The following LIMA1 variants were observed in gnomAD, a reference collection of about 807,000 sequenced individuals.
LIMA1 encodes LIM domain and actin-binding protein 1.
A neutral mutation model predicts 62.6 loss-of-function variants in LIMA1; 52 were observed. That is an observed-to-expected ratio of 0.83 (90% CI 0.67 to 1.05). The LOEUF (loss-of-function observed/expected upper bound fraction) is 1.05. Ranked by LOEUF, LIMA1 falls within the 50% of genes least tolerant of loss-of-function variation. LIMA1 has a pLI of 0.00. For missense variants in LIMA1, 780 were observed against 902.2 expected (o/e 0.86, Z 1.74); for synonymous variants, 302 against 317.8 (o/e 0.95, Z 0.53).
chr12:50,227,188 T>C (rs1941542620), intron 3 of LIMA1, among the ~76,000 whole-genome samples: 1 of 151,816 alleles, frequency 6.6e-6, no homozygotes, highest in Admixed American at 6.6e-5. Context: ...AGAGGCATCT[T>C]AAACTCCTTC....
chr12:50,233,008 T>C (rs192458453), intron 2 of LIMA1, among the ~76,000 whole-genome samples: 5 of 152,278 alleles, frequency 3.3e-5, no homozygotes, highest in Admixed American at 3.3e-4. Context: ...AAAAACAGTC[T>C]GCATACCTAT....
At chr12:50,268,016 A>T (rs1942160543) in intron 1 of LIMA1, among the ~76,000 whole-genome samples, 1 of 151,924 alleles carries the variant, frequency 6.6e-6, no homozygotes, top group African/African-American at 2.4e-5. Context: ...ACTTTTTTTT[A>T]AATTATACAA....
At chr12:50,179,291 G>T (rs1189690640) in intron 10 of LIMA1, among the ~76,000 whole-genome samples, 1 of 152,066 alleles carries the variant, frequency 6.6e-6, no homozygotes, top group South Asian at 2.1e-4. Flanking sequence ...ACAGGTGTGT[G>T]CCACCATGCA....
Position 50,193,991 on chromosome 12 carries a change from A to AT in LIMA1, c.1031-1431dup, listed in dbSNP as rs1196133117. 1.6e-4 allele frequency among the ~76,000 whole-genome samples: 10 copies of AT among 61,670 alleles called. 1 individual carries two copies. The highest frequency in any genetic ancestry group is 8.4e-4 in the African/African-American group (8 of 9,490). 40.5% of individuals were successfully genotyped at this position (61,670 alleles called of 152,430 possible). A position where few individuals can be genotyped will look rare whatever the true frequency, so the allele number is the denominator to read the frequency against. On this transcript the variant is annotated intron_variant, in intron 8 of 10. Transcript: ENST00000341247. ...AACATATATATACATATATATATAT[A>AT]TATATATTTTTTTTGAGATGGATTT...
chr12:50,190,971 T>C (rs1235953608), intron 9 of LIMA1, among the ~76,000 whole-genome samples: 1 of 151,220 alleles, frequency 6.6e-6, no homozygotes, highest in Non-Finnish European at 1.5e-5. Context: ...GTAAAAAATA[T>C]ATTAGCTGGG....
intron 2 of LIMA1, among the ~76,000 whole-genome samples, chr12:50,243,282 AC>A (rs1212020572): frequency 6.6e-6 from 1 of 152,086 alleles, no homozygotes; most frequent in Admixed American, 6.6e-5. Flanking sequence ...CTTCCTCCAA[AC>A]AACAATTTCA....
intron 4 of LIMA1, among the ~76,000 whole-genome samples, chr12:50,221,665 A>G (rs1446122556): frequency 1.3e-5 from 2 of 152,222 alleles, no homozygotes; most frequent in East Asian, 1.9e-4. Flanking sequence ...GTCCAAGCAG[A>G]GAGCTATTCA....
At position 50,193,016 on chromosome 12, in the gene LIMA1, G is replaced by A. The variant is rs559845094; in HGVS notation, c.1031-455C>T. ...TGTGTGTGTGTGTGCGCGCGTGCGC[G>A]CATTTGTGTATACATGTAACCTGAC... On this transcript the variant is annotated intron_variant, in intron 8 of 10. Transcript: ENST00000341247. Among the ~76,000 whole-genome samples the A allele has an allele frequency of 1.2e-4, 18 of 152,016 alleles. No individual in the cohort carries two copies. In the South Asian group the frequency reaches 3.3e-3, roughly 28 times the overall value.
At chr12:50,205,148 G>A (rs377585863) in intron 5 of LIMA1, among the ~76,000 whole-genome samples, 25 of 152,144 alleles carry the variant, frequency 1.6e-4, no homozygotes, top group African/African-American at 5.8e-4. Context: ...TACAATCATA[G>A]CTCACTGCAG....
At chr12:50,241,932 G>T (rs11169334) in intron 2 of LIMA1, among the ~76,000 whole-genome samples, 107 of 45,082 alleles carry the variant, frequency 2.4e-3, no homozygotes, top group African/African-American at 7.4e-3. Context: ...TTCCTTCCCA[G>T]ATTTTTTTTT....
intron 5 of LIMA1, among the ~76,000 whole-genome samples, 189 bp downstream of exon 5, chr12:50,205,794 CA>C (rs5798132): frequency 0.36 from 29,067 of 80,170 alleles, 2,021 homozygotes; most frequent in South Asian, 0.5. Flanking sequence ...ACTTCCGTCT[CA>C]AAAAAAAAAA....
chr12:50,261,038 GTATATTTT>G (rs1942061909), intron 1 of LIMA1, among the ~76,000 whole-genome samples: 1 of 70,150 alleles, frequency 1.4e-5, no homozygotes, highest in African/African-American at 6.4e-5. Context: ...CTGCCATCTA[GTATATTTT>G]TTTTTTTTTT....
Position 50,214,813 on chromosome 12 carries a change from C to T in LIMA1, c.630+7208G>A, listed in dbSNP as rs528059110. On this transcript the variant is annotated intron_variant, in intron 4 of 10. Transcript: ENST00000341247. ...AGAGCAAACAAACAAACAAACAAAA[C>T]TATGCAATTAATACAATTATGAACA... Among the ~76,000 whole-genome samples the T allele has an allele frequency of 2.6e-5, 4 of 152,276 alleles. No homozygotes were observed. In the East Asian group the frequency reaches 7.7e-4, roughly 29 times the overall value.
intron 2 of LIMA1, among the ~76,000 whole-genome samples, chr12:50,245,702 C>G (rs1941838436): frequency 6.6e-6 from 1 of 151,516 alleles, no homozygotes; most frequent in East Asian, 1.9e-4. Flanking sequence ...TACAGCACCC[C>G]CAGTGAGAAA....
chr12:50,246,858 C>T (rs894034433), intron 2 of LIMA1, among the ~76,000 whole-genome samples: 4 of 152,226 alleles, frequency 2.6e-5, no homozygotes, highest in Non-Finnish European at 4.4e-5. Context: ...AAGTCCATCC[C>T]TTCCACTACC....
At chr12:50,200,686 A>C (rs2138467669) in intron 7 of LIMA1, 91 bp downstream of exon 7, 1 of 1,400,584 alleles carries the variant, frequency 7.1e-7, no homozygotes, top group East Asian at 2.3e-5. Context: ...CAGACACTCT[A>C]CAGCCTAGAG....
intron 9 of LIMA1, chr12:50,187,757 C>T (rs990158382): frequency 2.6e-5 from 4 of 152,226 alleles, no homozygotes; most frequent in South Asian, 4.1e-4. Context: ...TCTCTCTCAA[C>T]ATTCATCAGC....
At chr12:50,236,455 A>G (rs1941695480) in intron 2 of LIMA1, among the ~76,000 whole-genome samples, 1 of 151,208 alleles carries the variant, frequency 6.6e-6, no homozygotes, top group Admixed American at 6.6e-5. Context: ...GCACCACCAC[A>G]CCCGGATAAG....
chr12:50,241,135 A>G (rs1941770824), intron 2 of LIMA1, among the ~76,000 whole-genome samples: 1 of 152,272 alleles, frequency 6.6e-6, no homozygotes, highest in Non-Finnish European at 1.5e-5. Context: ...CCAGTTTTTC[A>G]CCATTGCAAA....
Sources: gnomAD v4.1 joint callset for allele counts (sites outside exome capture counted in the v4.1 genomes callset) on GRCh38, gnomAD v4.1.1 for gene constraint, MANE v1.5 for transcripts, NCBI Gene and HGNC (gene_info 2026-07-23, HGNC 2026-07-21) for gene names.